Variants in KTI12 observed in about 807,000 individuals in gnomAD.
The protein encoded by KTI12 is protein KTI12 homolog.
KTI12 carries 8 observed loss-of-function variants against 8.8 expected under a neutral mutation model. The ratio of observed to expected loss-of-function variants is 0.91; its 90% CI spans 0.53 to 1.64. The LOEUF is 1.64. Ranked by LOEUF, KTI12 falls within the 40% of genes most tolerant of loss-of-function variation. The probability of loss-of-function intolerance (pLI) is 0.00; values close to 1 mark genes in which losing one functional copy is unlikely to be tolerated. For synonymous variants in KTI12, 216 were observed against 220.1 expected, an observed-to-expected ratio of 0.98 and a Z score of 0.17; for missense variants, 490 against 492.1, an observed-to-expected ratio of 1.00 and a Z score of 0.04.
chr1:52,033,648 T>C lies in KTI12; in HGVS notation c.114A>G (p.Ala38=), dbSNP rs1468770073. 7 of 1,611,512 alleles carry C rather than the reference T, an allele frequency of 4.3e-6. No homozygotes were observed. Among genetic ancestry groups the C allele is most frequent in the South Asian group, 2.2e-5 (2 of 91,076 alleles). Residue 38 remains alanine, a synonymous_variant, in exon 1 of 1, where the codon GCA becomes GCG. Transcript: ENST00000371614. ...EGRAVYVVDD[A]AVLGAEDPAV... Reference sequence around the variant, plus strand: ...CTGGGTCCTCTGCGCCCAGGACAGCTGCGTCGTCCACCACGTACACCGCGC... The same window carrying C: ...CTGGGTCCTCTGCGCCCAGGACAGCCGCGTCGTCCACCACGTACACCGCGC...
Position 52,033,440 on chromosome 1 carries a change from C to T in KTI12, c.322G>A (p.Val108Ile). The change falls in exon 1 of 1, where the codon GTA (valine) becomes ATA (isoleucine). Residue 108 changes from valine (V) to isoleucine (I), a missense_variant. Coordinates refer to ENST00000371614, the MANE Select transcript of KTI12 (RefSeq NM_138417.3). ...ARTPLCLVYCVRPGGPIAGPQ... is the reference protein window; with the variant it reads ...ARTPLCLVYCIRPGGPIAGPQ... ...CCCGCGATCGGGCCGCCGGGCCGTACGCAGTAGACCAGGCAGAGCGGGGTG... is the reference window on the plus strand; with the variant it reads ...CCCGCGATCGGGCCGCCGGGCCGTATGCAGTAGACCAGGCAGAGCGGGGTG... The T allele has an allele frequency of 6.2e-7, 1 of 1,612,716 alleles. No individual in the cohort carries two copies. Among genetic ancestry groups the T allele is most frequent in the Non-Finnish European group, 8.5e-7 (1 of 1,179,358 alleles).
chr1:52,032,454 GCT>G lies in KTI12; in HGVS notation c.*241_*242del. On this transcript the variant is annotated 3_prime_UTR_variant, in exon 1 of 1. Coordinates refer to ENST00000371614, the MANE Select transcript of KTI12 (RefSeq NM_138417.3). ...ATCTAGGTAATCCCTGTCCACCTTA[GCT>G]CTGTCCTCTGAGGGATTTGCCAGGT... is the stretch of plus-strand genomic sequence containing the variant. 1.6e-6 allele frequency: 2 copies of G among 1,284,078 alleles called. No homozygotes were observed. 79.5% of individuals were successfully genotyped at this position (1,284,078 alleles called of 1,614,324 possible). A position where few individuals can be genotyped will look rare whatever the true frequency, so the allele number is the denominator to read the frequency against.
Position 52,033,721 on chromosome 1 carries a change from T to G in KTI12, c.41A>C (p.Lys14Thr). ...GCGCAACTCTTCAGCACGCCGGCTC[T>G]TGCCGCTGTACGGCAGCCCGCAAAA... ...VVFCGLPYSG[K>T]SRRAEELRVA... is the part of the protein sequence containing the mutation. Residue 14 changes from lysine (K) to threonine (T), a missense_variant, in exon 1 of 1, where the codon AAG (lysine) becomes ACG (threonine). Lys to Thr is a moderately conservative substitution (Grantham distance 78). Coordinates refer to ENST00000371614, the MANE Select transcript of KTI12 (RefSeq NM_138417.3). 2.5e-6 allele frequency: 4 copies of G among 1,610,302 alleles called. No individual in the cohort carries two copies. Among genetic ancestry groups the G allele is most frequent in the Non-Finnish European group, 3.4e-6 (4 of 1,178,806 alleles).
Position 52,032,981 on chromosome 1 carries a change from G to C in KTI12, c.781C>G (p.Gln261Glu), listed in dbSNP as rs763939293. ...CTGCCGGAGGCGAGGGGCTGGGACT[G>C]CGTAGACTGATGGGGTGGTGGGGCC... ...NRAPPPHQST[Q>E]SQPLASGSFL... The change falls in exon 1 of 1, where the codon CAG (glutamine) becomes GAG (glutamate). Residue 261 changes from glutamine to glutamate, a missense_variant. Physicochemically the swap from Gln to Glu is conservative, Grantham distance 29 (BLOSUM62 2). Coordinates refer to ENST00000371614, the MANE Select transcript of KTI12 (RefSeq NM_138417.3). 1 of 1,571,764 alleles carries C rather than the reference G, an allele frequency of 6.4e-7. No individual in the cohort carries two copies. Among genetic ancestry groups the C allele is most frequent in the Non-Finnish European group, 8.6e-7 (1 of 1,161,058 alleles).
rs749774837 is a variant in KTI12, at chr1:52,033,062, C to G, written c.700G>C (p.Gly234Arg). 1.1e-5 allele frequency: 17 copies of G among 1,598,054 alleles called. No homozygotes were observed. Among genetic ancestry groups the G allele is most frequent in the Non-Finnish European group, 1.4e-5 (16 of 1,173,800 alleles). Residue 234 changes from glycine to arginine, a missense_variant, in exon 1 of 1, where the codon GGC becomes CGC. Gly to Arg is a moderately radical substitution (Grantham distance 125). Coordinates refer to ENST00000371614, the MANE Select transcript of KTI12 (RefSeq NM_138417.3). Reference sequence around the variant, plus strand: ...GCCAGGGGCAACGGCTCCTCTAGGCCCACCAAAGTGAATAAAGGCCGGTCC... The same window carrying G: ...GCCAGGGGCAACGGCTCCTCTAGGCGCACCAAAGTGAATAAAGGCCGGTCC... ...RWDRPLFTLV[G>R]LEEPLPLAGI...
In KTI12 at chr1:52,032,282, A is replaced by C. The variant is rs568097147; in HGVS notation, c.*415T>G. The C allele has an allele frequency of 2.0e-6, 2 of 994,130 alleles. No homozygotes were observed. The highest frequency in any genetic ancestry group is 3.5e-5 in the African/African-American group (2 of 57,724). The allele number at this position is 994,130 out of a possible 1,614,324, so 61.6% of individuals were successfully genotyped here. On this transcript the variant is annotated 3_prime_UTR_variant, in exon 1 of 1. Coordinates refer to ENST00000371614, the MANE Select transcript of KTI12 (RefSeq NM_138417.3). ...AAAAATACTTTTGTGGTATGAAAAA[A>C]GGGCAGGTGCAGATGTAGAACTGTA...
In KTI12 at chr1:52,033,767, C is replaced by T; in HGVS notation, c.-6G>A. The T allele has an allele frequency of 6.4e-7, 1 of 1,573,632 alleles. No individual in the cohort carries two copies. The highest frequency in any genetic ancestry group is 8.6e-7 in the Non-Finnish European group (1 of 1,158,392). Reference sequence around the variant, plus strand: ...CAAAACACCACGAGCGGCATCCTCTCAGGGAGCGACCATTGGCAACCGCGC... The same window carrying T: ...CAAAACACCACGAGCGGCATCCTCTTAGGGAGCGACCATTGGCAACCGCGC... On this transcript the variant is annotated 5_prime_UTR_variant, in exon 1 of 1. An upstream open reading frame in the 5' UTR loses its in-frame stop. Transcript: ENST00000371614.
In KTI12 at chr1:52,032,548, G is replaced by C; in HGVS notation, c.*149C>G. The C allele has an allele frequency of 1.4e-6, 2 of 1,401,328 alleles. No individual in the cohort carries two copies. The highest frequency in any genetic ancestry group is 2.9e-5 in the African/African-American group (2 of 69,226). 86.8% of individuals were successfully genotyped at this position (1,401,328 alleles called of 1,614,324 possible). A position where few individuals can be genotyped will look rare whatever the true frequency, so the allele number is the denominator to read the frequency against. ...GCTGTAAACCCAAGGCCTGGCACAGGGGTATGCAGGAAAGTTTGAGTGAAT... is the reference window on the plus strand; with the variant it reads ...GCTGTAAACCCAAGGCCTGGCACAGCGGTATGCAGGAAAGTTTGAGTGAAT... On this transcript the variant is annotated 3_prime_UTR_variant, in exon 1 of 1. Coordinates refer to ENST00000371614, the MANE Select transcript of KTI12 (RefSeq NM_138417.3).
chr1:52,033,468 C>A lies in KTI12; in HGVS notation c.294G>T (p.Ala98=). ...AGTAGACCAGGCAGAGCGGGGTGCGCGCCGCCCGTGCCAGGCAGTAGAGCT... is the reference window on the plus strand; with the variant it reads ...AGTAGACCAGGCAGAGCGGGGTGCGAGCCGCCCGTGCCAGGCAGTAGAGCT... ...RYELYCLARA[A]RTPLCLVYCV... The change falls in exon 1 of 1, where the codon GCG becomes GCT. Residue 98 remains alanine (A), a synonymous_variant. Coordinates refer to ENST00000371614, the MANE Select transcript of KTI12 (RefSeq NM_138417.3). The A allele has an allele frequency of 1.2e-5, 20 of 1,613,272 alleles. No individual in the cohort carries two copies. Among genetic ancestry groups the A allele is most frequent in the Non-Finnish European group, 1.7e-5 (20 of 1,179,600 alleles).
Position 52,033,441 on chromosome 1 carries a change from G to T in KTI12, c.321C>A (p.Cys107Ter). 2 of 1,612,752 alleles carry T rather than the reference G, an allele frequency of 1.2e-6. No homozygotes were observed. Among genetic ancestry groups the T allele is most frequent in the Non-Finnish European group, 1.7e-6 (2 of 1,179,386 alleles). Residue 107 changes from cysteine (C) to a stop codon, truncating the protein, a stop_gained, in exon 1 of 1, where the codon TGC (cysteine) becomes TGA (stop). Transcript: ENST00000371614. LOFTEE classifies it low-confidence loss of function (END_TRUNC). Reference sequence around the variant, plus strand: ...CCGCGATCGGGCCGCCGGGCCGTACGCAGTAGACCAGGCAGAGCGGGGTGC... The same window carrying T: ...CCGCGATCGGGCCGCCGGGCCGTACTCAGTAGACCAGGCAGAGCGGGGTGC... ...AARTPLCLVY[C>*]VRPGGPIAGP...
rs981233890 is a variant in KTI12 at position 52,032,817 on chromosome 1, C to T, written c.945G>A (p.Met315Ile). The change falls in exon 1 of 1, where the codon ATG becomes ATA. Residue 315 changes from methionine (M) to isoleucine (I), a missense_variant. Physicochemically the swap from Met to Ile is conservative, Grantham distance 10. Transcript: ENST00000371614. ...EHLRFTRPLT[M>I]AELSRLRRQF... The stretch of plus-strand genomic sequence containing the variant: ...GGCGACGAAGGCGACTCAGTTCTGC[C>T]ATGGTCAAGGGCCGGGTAAACCGCA... 6.2e-6 allele frequency: 10 copies of T among 1,614,028 alleles called. No homozygotes were observed. The highest frequency in any genetic ancestry group is 6.8e-6 in the Non-Finnish European group (8 of 1,179,928).
At position 52,033,370 on chromosome 1, in the gene KTI12, C is replaced by T; in HGVS notation, c.392G>A (p.Ser131Asn). 6.2e-7 allele frequency: 1 copy of T among 1,613,704 alleles called. No individual in the cohort carries two copies. Among genetic ancestry groups the T allele is most frequent in the Non-Finnish European group, 8.5e-7 (1 of 1,179,996 alleles). Residue 131 changes from serine to asparagine, a missense_variant, in exon 1 of 1, where the codon AGT (serine) becomes AAT (asparagine). By Grantham distance (46) the Ser-to-Asn change is conservative. Coordinates refer to ENST00000371614, the MANE Select transcript of KTI12 (RefSeq NM_138417.3). ...GANENPGRNV[S>N]VSWRPRAEED... ...CTCAGCGCGTGGCCGCCAACTCACA[C>T]TGACGTTCCGGCCAGGGTTCTCGTT...
chr1:52,033,210 A>T lies in KTI12; in HGVS notation c.552T>A (p.Ser184=). ...CTGAATCCGGAGTCACAAGAGCTGG[A>T]GACTCCGCAGCCCCGGATTCTTCTC... The part of the protein sequence containing the change: ...LEREESGAAE[S]PALVTPDSEK... Residue 184 remains serine (S), a synonymous_variant, in exon 1 of 1, where the codon TCT becomes TCA. Transcript: ENST00000371614. 1 of 1,614,188 alleles carries T rather than the reference A, an allele frequency of 6.2e-7. No individual in the cohort carries two copies. The highest frequency in any genetic ancestry group is 8.5e-7 in the Non-Finnish European group (1 of 1,180,032).
chr1:52,033,444 G>T lies in KTI12; in HGVS notation c.318C>A (p.Tyr106Ter). The change falls in exon 1 of 1, where the codon TAC (tyrosine) becomes TAA (stop). Residue 106 changes from tyrosine to a stop codon, truncating the protein, a stop_gained. Coordinates refer to ENST00000371614, the MANE Select transcript of KTI12 (RefSeq NM_138417.3). LOFTEE classifies it low-confidence loss of function (END_TRUNC). ...RAARTPLCLV[Y>*]CVRPGGPIAG... is the part of the protein sequence containing the mutation. ...CGATCGGGCCGCCGGGCCGTACGCA[G>T]TAGACCAGGCAGAGCGGGGTGCGCG... The T allele has an allele frequency of 6.2e-7, 1 of 1,613,054 alleles. No individual in the cohort carries two copies. The highest frequency in any genetic ancestry group is 8.5e-7 in the Non-Finnish European group (1 of 1,179,558).
chr1:52,033,023 C>G lies in KTI12; in HGVS notation c.739G>C (p.Ala247Pro). 6.4e-7 allele frequency: 1 copy of G among 1,571,858 alleles called. No individual in the cohort carries two copies. Among genetic ancestry groups the G allele is most frequent in the Non-Finnish European group, 8.6e-7 (1 of 1,162,214 alleles). Residue 247 changes from alanine (A) to proline (P), a missense_variant, in exon 1 of 1, where the codon GCC (alanine) becomes CCC (proline). Ala to Pro is a conservative substitution (Grantham distance 27, BLOSUM62 -1). Transcript: ENST00000371614. ...EPLPLAGIRS[A>P]LFENRAPPPH... ...GGTGGGGCCCGGTTCTCAAACAGGGCAGAGCGGATCCCCGCCAGGGGCAAC... is the reference window on the plus strand; with the variant it reads ...GGTGGGGCCCGGTTCTCAAACAGGGGAGAGCGGATCCCCGCCAGGGGCAAC...
Position 52,032,278 on chromosome 1 carries a change from A to C in KTI12, c.*419T>G. The C allele has an allele frequency of 1.0e-6, 1 of 993,284 alleles. No homozygotes were observed. Among genetic ancestry groups the C allele is most frequent in the Non-Finnish European group, 1.2e-6 (1 of 835,384 alleles). 61.5% of individuals were successfully genotyped at this position (993,284 alleles called of 1,614,324 possible). A position where few individuals can be genotyped will look rare whatever the true frequency, so the allele number is the denominator to read the frequency against. On this transcript the variant is annotated 3_prime_UTR_variant, in exon 1 of 1. Transcript: ENST00000371614. ...CTCAAAAAATACTTTTGTGGTATGA[A>C]AAAAGGGCAGGTGCAGATGTAGAAC...
chr1:52,033,001 G>A lies in KTI12; in HGVS notation c.761C>T (p.Pro254Leu), dbSNP rs750477587. 6.4e-7 allele frequency: 1 copy of A among 1,561,344 alleles called. No individual in the cohort carries two copies. Among genetic ancestry groups the A allele is most frequent in the Non-Finnish European group, 8.6e-7 (1 of 1,156,760 alleles). Residue 254 changes from proline (P) to leucine (L), a missense_variant, in exon 1 of 1, where the codon CCA (proline) becomes CTA (leucine). Physicochemically the swap from Pro to Leu is moderately conservative, Grantham distance 98. Transcript: ENST00000371614. ...IRSALFENRA[P>L]PPHQSTQSQP... ...GGACTGCGTAGACTGATGGGGTGGT[G>A]GGGCCCGGTTCTCAAACAGGGCAGA... is the stretch of plus-strand genomic sequence containing the variant.
Position 52,032,643 on chromosome 1 carries a change from G to A in KTI12, c.*54C>T, listed in dbSNP as rs1030051724. On this transcript the variant is annotated 3_prime_UTR_variant, in exon 1 of 1. Transcript: ENST00000371614. ...AGACCTGCAGCCTATTTTTCCCAGA[G>A]AAATAAAGTGGAGTGGAGATCAGAA... is the stretch of plus-strand genomic sequence containing the variant. The A allele has an allele frequency of 2.2e-5, 33 of 1,534,806 alleles. No individual in the cohort carries two copies. The highest frequency in any genetic ancestry group is 2.4e-5 in the Non-Finnish European group (28 of 1,144,488).
Position 52,032,791 on chromosome 1 carries a change from T to A in KTI12, c.971A>T (p.Gln324Leu), listed in dbSNP as rs750005835. 6 of 1,614,074 alleles carry A rather than the reference T, an allele frequency of 3.7e-6. No individual in the cohort carries two copies. Among genetic ancestry groups the A allele is most frequent in the African/African-American group, 1.3e-5 (1 of 74,910 alleles). Residue 324 changes from glutamine to leucine, a missense_variant, in exon 1 of 1, where the codon CAG becomes CTG. By Grantham distance (113) the Gln-to-Leu change is moderately radical. Coordinates refer to ENST00000371614, the MANE Select transcript of KTI12 (RefSeq NM_138417.3). ...ATGCATTTTAGTGTACGAAATAAAC[T>A]GGCGACGAAGGCGACTCAGTTCTGC... ...TMAELSRLRR[Q>L]FISYTKMHPN...
Sources: gnomAD v4.1 joint callset for allele counts on GRCh38, gnomAD v4.1.1 for gene constraint, MANE v1.5 for transcripts, NCBI Gene and HGNC (gene_info 2026-07-23, HGNC 2026-07-21) for gene names.